MAPKAP1: variants seen among roughly 807,000 people sequenced by gnomAD.
MAPKAP1 encodes the protein MAPK associated protein 1, also known as target of rapamycin complex 2 subunit MAPKAP1.
In MAPKAP1, 20 loss-of-function variants were observed where a neutral mutation model predicts 65.7. That is an observed-to-expected ratio of 0.30 (90% CI 0.21 to 0.44). The LOEUF (loss-of-function observed/expected upper bound fraction) is 0.44, where lower values mean the gene tolerates loss of function less well. Ranked by LOEUF, MAPKAP1 falls within the 20% of genes least tolerant of loss-of-function variation. MAPKAP1 has a pLI of 1.00. For missense variants in MAPKAP1, 423 were observed against 648.0 expected, an observed-to-expected ratio of 0.65 and a Z score of 3.77; for synonymous variants, 222 against 244.3, an observed-to-expected ratio of 0.91 and a Z score of 0.85.
intron 6 of MAPKAP1, among the ~76,000 whole-genome samples, chr9:125,558,888 G>A (rs865842114): frequency 6.6e-6 from 1 of 152,210 alleles, no homozygotes; most frequent in African/African-American, 2.4e-5. Context: ...GAATCACAGT[G>A]CCAGTGACTC....
chr9:125,484,536 C>A lies in MAPKAP1; in HGVS notation c.1114G>T (p.Ala372Ser), dbSNP rs1045225396. The A allele has an allele frequency of 8.7e-6, 14 of 1,611,966 alleles. No individual in the cohort carries two copies. Among genetic ancestry groups the A allele is most frequent in the African/African-American group, 1.3e-5 (1 of 74,890 alleles). Residue 372 changes from alanine (A) to serine (S), a missense_variant, in exon 9 of 12, where the codon GCC becomes TCC. Transcript: ENST00000265960. ...CTGCTAAGCATATCCTGTACTGTGG[C>A]TATGTCAATTTGCGAATCCTCCTCA... is the stretch of plus-strand genomic sequence containing the variant. ...VFEEDSQIDI[A>S]TVQDMLSSHH...
chr9:125,639,874 C>T (rs747056320), intron 4 of MAPKAP1, among the ~76,000 whole-genome samples: 35 of 152,128 alleles, frequency 2.3e-4, no homozygotes, highest in Non-Finnish European at 4.9e-4. Flanking sequence ...ATGAGGAGGG[C>T]AGTGAGAGGC....
At chr9:125,704,461 T>G (rs979412834) in intron 1 of MAPKAP1, among the ~76,000 whole-genome samples, 1 of 152,166 alleles carries the variant, frequency 6.6e-6, no homozygotes, top group Non-Finnish European at 1.5e-5. Context: ...TACTTTATTA[T>G]GGTTCACCTG....
chr9:125,568,458 T>C (rs769930701), intron 5 of MAPKAP1, among the ~76,000 whole-genome samples: 10 of 152,080 alleles, frequency 6.6e-5, no homozygotes, highest in Non-Finnish European at 1.5e-4. Flanking sequence ...CTGCATTGAG[T>C]GGGTCTTTTA....
intron 3 of MAPKAP1, among the ~76,000 whole-genome samples, chr9:125,666,533 T>C (rs1270275343): frequency 6.6e-6 from 1 of 152,176 alleles, no homozygotes; most frequent in Non-Finnish European, 1.5e-5. Flanking sequence ...TTGGGTATGG[T>C]GTCATGTGCC....
chr9:125,443,710 C>T (rs1457427687), intron 11 of MAPKAP1, among the ~76,000 whole-genome samples: 1 of 148,112 alleles, frequency 6.8e-6, no homozygotes, highest in Non-Finnish European at 1.5e-5. Context: ...CCCCAGCCCC[C>T]CCAGCCCCCC....
rs144362050 is a variant in MAPKAP1, at chr9:125,693,458, T to C, written c.-70+13513A>G. Among the ~76,000 whole-genome samples the C allele has an allele frequency of 0.013, 1,880 of 141,240 alleles. 99 individuals carry two copies. The East Asian group carries it at 0.19, about 14-fold the overall frequency. The allele number at this position is 141,240 out of a possible 152,430, so 92.7% of individuals were successfully genotyped here. A position where few individuals can be genotyped will look rare whatever the true frequency, so the allele number is the denominator to read the frequency against. On this transcript the variant is annotated intron_variant, in intron 1 of 11. Coordinates refer to ENST00000265960, the MANE Select transcript of MAPKAP1 (RefSeq NM_001006617.3). Reference sequence around the variant, plus strand: ...ATATATATATACACACACACACACATACATGTATATATACACACACATATA... The same window carrying C: ...ATATATATATACACACACACACACACACATGTATATATACACACACATATA...
intron 4 of MAPKAP1, among the ~76,000 whole-genome samples, chr9:125,643,014 C>T (rs772042390): frequency 2.6e-5 from 4 of 151,822 alleles, no homozygotes; most frequent in Non-Finnish European, 4.4e-5. Context: ...ATTCTCCTGC[C>T]TCAGCCTCCC....
intron 6 of MAPKAP1, among the ~76,000 whole-genome samples, chr9:125,557,462 A>G (rs1830769482): frequency 6.6e-6 from 1 of 152,216 alleles, no homozygotes; most frequent in African/African-American, 2.4e-5. Context: ...TATAAAAATG[A>G]TTTTAGGAAT....
At chr9:125,534,005 T>C (rs1300737752) in intron 7 of MAPKAP1, among the ~76,000 whole-genome samples, 1 of 152,198 alleles carries the variant, frequency 6.6e-6, no homozygotes, top group African/African-American at 2.4e-5. Flanking sequence ...TTATGACACA[T>C]TGAGTTAAAA....
intron 7 of MAPKAP1, among the ~76,000 whole-genome samples, chr9:125,538,907 A>G (rs1036678322): frequency 7.9e-5 from 12 of 152,232 alleles, no homozygotes; most frequent in African/African-American, 2.4e-4. Context: ...TTTTTAAGAT[A>G]CAACTTAAGA....
At chr9:125,603,056 GTCTTTCTT>G (rs67808052) in intron 4 of MAPKAP1, among the ~76,000 whole-genome samples, 19 of 148,832 alleles carry the variant, frequency 1.3e-4, no homozygotes, top group South Asian at 8.6e-4. Context: ...CCACACTTGC[GTCTTTCTT>G]TCTTTCTTTC....
chr9:125,689,856 G>A (rs1343613310), intron 1 of MAPKAP1, among the ~76,000 whole-genome samples: 1 of 152,122 alleles, frequency 6.6e-6, no homozygotes, highest in Non-Finnish European at 1.5e-5. Context: ...AGAGGCCGAG[G>A]TGGGCGGGTC....
chr9:125,559,547 TA>T, intron 6 of MAPKAP1, 85 bp downstream of exon 6: 1 of 1,254,660 alleles, frequency 8.0e-7, no homozygotes. Flanking sequence ...AAATATCATT[TA>T]TTTGATGAAC....
chr9:125,556,751 C>T (rs990045397), intron 6 of MAPKAP1, among the ~76,000 whole-genome samples: 1 of 152,280 alleles, frequency 6.6e-6, no homozygotes, highest in Non-Finnish European at 1.5e-5. Context: ...AGACACATCC[C>T]TACAGACTCC....
chr9:125,516,761 T>G (rs1210139915), intron 7 of MAPKAP1, among the ~76,000 whole-genome samples: 1 of 152,228 alleles, frequency 6.6e-6, no homozygotes, highest in Non-Finnish European at 1.5e-5. Flanking sequence ...GGCAAGTTAG[T>G]GGATCTAAAC....
intron 1 of MAPKAP1, among the ~76,000 whole-genome samples, chr9:125,693,178 C>A (rs542926185): frequency 4.6e-5 from 7 of 151,864 alleles, no homozygotes; most frequent in Admixed American, 4.6e-4. Context: ...TTTGGGAGGC[C>A]GAGGCAGGCG....
chr9:125,618,473 C>T (rs544516832), intron 4 of MAPKAP1, among the ~76,000 whole-genome samples: 17 of 150,856 alleles, frequency 1.1e-4, no homozygotes, highest in South Asian at 6.3e-4. Context: ...TCCTACTAAG[C>T]TTAATTCAAG....
At position 125,637,347 on chromosome 9, in the gene MAPKAP1, A is replaced by T. The variant is rs144628764; in HGVS notation, c.498+20304T>A. Among the ~76,000 whole-genome samples the T allele has an allele frequency of 4.4e-3, 670 of 152,292 alleles. 5 individuals are homozygous for T. Among genetic ancestry groups the T allele is most frequent in the African/African-American group, 0.016 (646 of 41,546 alleles). ...ACAAGCGCAGAAGGAATGAGCAGAT[A>T]AAAGGTGGTTCAAGTATCAAAGTGC... On this transcript the variant is annotated intron_variant, in intron 4 of 11. Transcript: ENST00000265960.
Sources: gnomAD v4.1 joint callset for allele counts (sites outside exome capture counted in the v4.1 genomes callset) on GRCh38, gnomAD v4.1.1 for gene constraint, MANE v1.5 for transcripts, NCBI Gene and HGNC (gene_info 2026-07-23, HGNC 2026-07-21) for gene names.